EMID1: variants seen among roughly 807,000 people sequenced by gnomAD.
EMID1 encodes the protein EMI domain containing 1.
A neutral mutation model predicts 60.6 loss-of-function variants in EMID1; 40 were observed. The ratio of observed to expected loss-of-function variants is 0.66; its 90% CI spans 0.51 to 0.86. The LOEUF (loss-of-function observed/expected upper bound fraction) is 0.86, where lower values mean the gene tolerates loss of function less well. Ranked by LOEUF, EMID1 falls within the 40% of genes least tolerant of loss-of-function variation. The pLI, the probability that EMID1 is intolerant of heterozygous loss-of-function variation, is 0.00. For synonymous variants in EMID1, 242 were observed against 231.0 expected (o/e 1.05, Z -0.43); for missense variants, 585 against 597.1 (o/e 0.98, Z 0.21).
chr22:29,227,766 C>G (rs1402976160), intron 5 of EMID1, among the ~76,000 whole-genome samples: 1 of 150,572 alleles, frequency 6.6e-6, no homozygotes, highest in African/African-American at 2.4e-5. Flanking sequence ...CCTGTAATCT[C>G]AGCATTTGAG....
At position 29,233,488 on chromosome 22, in the gene EMID1, G is replaced by C; in HGVS notation, c.913+20G>C. 1.2e-6 allele frequency: 2 copies of C among 1,613,100 alleles called. No individual in the cohort carries two copies. The highest frequency in any genetic ancestry group is 8.5e-7 in the Non-Finnish European group (1 of 1,179,062). ...CCATGGGTAAGTTGAGTCCAGGCCA[G>C]GGGTAAAGGGTGAAGTTGGTAGATG... On this transcript the variant is annotated intron_variant, in intron 9 of 14. Coordinates refer to ENST00000334018, the MANE Select transcript of EMID1 (RefSeq NM_133455.4).
At position 29,233,428 on chromosome 22, in the gene EMID1, C is replaced by A; in HGVS notation, c.873C>A (p.Pro291=). 1 of 1,614,182 alleles carries A rather than the reference C, an allele frequency of 6.2e-7. No individual in the cohort carries two copies. The highest frequency in any genetic ancestry group is 8.5e-7 in the Non-Finnish European group (1 of 1,180,006). The change falls in exon 9 of 15, where the codon CCC becomes CCA. Residue 291 remains proline (P), a synonymous_variant. Transcript: ENST00000334018. ...TCACTGAGACCAACAACCACTGGCC[C>A]CAGGGACCCACTGGGCCTCCAGGCC... ...NTFTETNNHW[P]QGPTGPPGPP...
chr22:29,231,833 G>T (rs1390047483), intron 7 of EMID1, 151 bp downstream of exon 7: 11 of 709,038 alleles, frequency 1.6e-5, no homozygotes, highest in South Asian at 2.4e-5. Context: ...CCCTGCCCAC[G>T]CCTGGGCTCC....
chr22:29,215,388 T>G, intron 2 of EMID1, 139 bp from the exon 3 acceptor site: 1 of 1,277,638 alleles, frequency 7.8e-7, no homozygotes, highest in Non-Finnish European at 1.1e-6. Context: ...AATCCCAAAA[T>G]GCAGGAGAGA....
intron 4 of EMID1, among the ~76,000 whole-genome samples, chr22:29,225,782 G>C (rs952925424): frequency 6.6e-6 from 1 of 152,222 alleles, no homozygotes; most frequent in Non-Finnish European, 1.5e-5. Flanking sequence ...TGACACTCCC[G>C]TGAGGAGGGG....
intron 5 of EMID1, among the ~76,000 whole-genome samples, chr22:29,228,655 G>A (rs541326030): frequency 2.6e-5 from 4 of 152,300 alleles, no homozygotes; most frequent in South Asian, 2.1e-4. Context: ...GCAATCTGCC[G>A]TGAGTTGGAG....
At chr22:29,248,542 C>G (rs188082715) in intron 13 of EMID1, among the ~76,000 whole-genome samples, 1 of 152,172 alleles carries the variant, frequency 6.6e-6, no homozygotes, top group East Asian at 1.9e-4. Context: ...TCTAAAATAA[C>G]AATTTAAAGT....
At chr22:29,210,433 T>G (rs899775601) in intron 1 of EMID1, among the ~76,000 whole-genome samples, 7 of 151,874 alleles carry the variant, frequency 4.6e-5, no homozygotes, top group Admixed American at 3.9e-4. Context: ...ATGGGGTTTC[T>G]CCATGTTGGT....
chr22:29,239,906 CCTG>C, intron 12 of EMID1, among the ~76,000 whole-genome samples: 1 of 115,194 alleles, frequency 8.7e-6, no homozygotes, highest in African/African-American at 3.7e-5. Flanking sequence ...ACTACAGGCG[CCTG>C]CCACCACACC....
At chr22:29,216,113 C>T (rs981253557) in intron 3 of EMID1, among the ~76,000 whole-genome samples, 1 of 152,196 alleles carries the variant, frequency 6.6e-6, no homozygotes, top group Non-Finnish European at 1.5e-5. Context: ...CCCCCCCACC[C>T]CTGGGCTCCA....
chr22:29,214,048 A>T (rs2039990773), intron 1 of EMID1, among the ~76,000 whole-genome samples: 1 of 152,188 alleles, frequency 6.6e-6, no homozygotes, highest in Admixed American at 6.5e-5. Context: ...TTTAGCATAT[A>T]ATAAGTGCTC....
intron 12 of EMID1, among the ~76,000 whole-genome samples, chr22:29,237,788 G>C (rs377367271): frequency 1.5e-5 from 2 of 130,524 alleles, no homozygotes; most frequent in East Asian, 5.5e-4. Flanking sequence ...GCAACAGAGC[G>C]AGACTCCGTT....
chr22:29,209,464 A>T (rs117082449), intron 1 of EMID1, among the ~76,000 whole-genome samples: 1 of 152,294 alleles, frequency 6.6e-6, no homozygotes, highest in Non-Finnish European at 1.5e-5. Context: ...CAGGGGCTGC[A>T]GGGATGGAGC....
chr22:29,230,956 A>G, intron 5 of EMID1, 64 bp from the exon 6 acceptor site: 1 of 1,550,972 alleles, frequency 6.4e-7, no homozygotes, highest in South Asian at 1.2e-5. Context: ...CTCCATCTCA[A>G]AAAAAATAGG....
intron 1 of EMID1, among the ~76,000 whole-genome samples, chr22:29,212,650 G>A (rs555620051): frequency 8.6e-5 from 13 of 150,828 alleles, no homozygotes; most frequent in South Asian, 6.4e-4. Flanking sequence ...TGCCACCTCC[G>A]CCTCCCAGAT....
intron 13 of EMID1, among the ~76,000 whole-genome samples, chr22:29,249,750 G>A (rs2041457935): frequency 6.6e-6 from 1 of 151,150 alleles, no homozygotes; most frequent in Non-Finnish European, 1.5e-5. Flanking sequence ...ATGTAGCTGG[G>A]ATTGCAGGTG....
Position 29,231,094 on chromosome 22 carries a change from G to T in EMID1, c.540G>T (p.Trp180Cys), listed in dbSNP as rs774762011. 3 of 1,613,498 alleles carry T rather than the reference G, an allele frequency of 1.9e-6. No individual in the cohort carries two copies. Among genetic ancestry groups the T allele is most frequent in the African/African-American group, 2.7e-5 (2 of 74,918 alleles). Residue 180 changes from tryptophan to cysteine, a missense_variant, in exon 6 of 15, where the codon TGG (tryptophan) becomes TGT (cysteine). By Grantham distance (215) the Trp-to-Cys change is radical (BLOSUM62 -2). Transcript: ENST00000334018. ...PATPEDPAPL[W>C]GPPPAQGSPG... ...CCCCTGAGGACCCTGCCCCGCTCTG[G>T]GGTCCCCCTCCTGCCCAGGGCAGCC...
At chr22:29,224,161 C>G (rs1474042767) in intron 3 of EMID1, among the ~76,000 whole-genome samples, 1 of 152,232 alleles carries the variant, frequency 6.6e-6, no homozygotes, top group Non-Finnish European at 1.5e-5. Flanking sequence ...CTGGCAGCCT[C>G]CGCTGGGGGC....
intron 3 of EMID1, among the ~76,000 whole-genome samples, chr22:29,222,884 G>C (rs565189849): frequency 6.6e-6 from 1 of 152,252 alleles, no homozygotes; most frequent in East Asian, 1.9e-4. Context: ...GAGGTCGGGA[G>C]ATGGAGACCA....
Sources: allele counts gnomAD v4.1 joint callset (sites outside exome capture counted in the v4.1 genomes callset), GRCh38; gene constraint gnomAD v4.1.1; transcripts MANE v1.5; gene names NCBI Gene and HGNC (gene_info 2026-07-23, HGNC 2026-07-21).